SLC37A1: variants seen among roughly 807,000 people sequenced by gnomAD.
The protein encoded by SLC37A1 is glucose-6-phosphate exchanger SLC37A1.
A neutral mutation model predicts 75.3 loss-of-function variants in SLC37A1; 49 were observed. That is an observed-to-expected ratio of 0.65 (90% CI 0.52 to 0.83). The LOEUF is 0.83. Among genes scored for constraint, SLC37A1 ranks in the 40% least tolerant of loss-of-function variants. The pLI, the probability that SLC37A1 is intolerant of heterozygous loss-of-function variation, is 0.00. For missense variants in SLC37A1, 566 were observed against 695.0 expected (o/e 0.81, Z 2.09); for synonymous variants, 268 against 292.1 (o/e 0.92, Z 0.84).
At chr21:42,574,653 G>A (rs1205420802) in intron 17 of SLC37A1, among the ~76,000 whole-genome samples, 165 bp from the exon 18 acceptor site, 2 of 152,150 alleles carry the variant, frequency 1.3e-5, no homozygotes, top group Non-Finnish European at 2.9e-5. Flanking sequence ...CCTATACTAG[G>A]CCTTGTACCC....
chr21:42,554,484 C>T (rs549824622), intron 10 of SLC37A1, among the ~76,000 whole-genome samples: 18 of 152,292 alleles, frequency 1.2e-4, no homozygotes, highest in Middle Eastern at 3.4e-3. Context: ...TGAGCAGGCT[C>T]TATTTTCAGC....
At position 42,574,827 on chromosome 21, in the gene SLC37A1, T is replaced by G; in HGVS notation, c.1433T>G (p.Leu478Arg). The change falls in exon 18 of 20, where the codon CTG becomes CGG. Residue 478 changes from leucine (L) to arginine (R), a missense_variant. Transcript: ENST00000352133. ...ATTTGCCTGATTTCAGGAGCAGCCC[T>G]GGGCCCCCTGCTGGCTGGGCTCCTC... ...IDGTGSVGAA[L>R]GPLLAGLLSP... 2 of 1,614,168 alleles carry G rather than the reference T, an allele frequency of 1.2e-6. No homozygotes were observed. The highest frequency in any genetic ancestry group is 1.7e-6 in the Non-Finnish European group (2 of 1,180,016).
At chr21:42,574,989 C>A in intron 18 of SLC37A1, 74 bp downstream of exon 18, 2 of 1,593,504 alleles carry the variant, frequency 1.3e-6, no homozygotes, top group South Asian at 2.3e-5. Context: ...ACTGGTGGAA[C>A]TTTCTCCCAT....
rs1258980445 is a variant in SLC37A1, at chr21:42,552,773, C to CA, written c.769-1288dup. On this transcript the variant is annotated intron_variant, in intron 9 of 19. Coordinates refer to ENST00000352133, the MANE Select transcript of SLC37A1 (RefSeq NM_001320537.2). The surrounding 1 kb of genome is among the most constrained non-coding windows in gnomAD (Gnocchi z 4.2). ...TTAAGATAGGCTTTGCCTGAGCACCCACGTTCCTGGCTGAAAAGCAGGAAG... is the reference window on the plus strand; with the variant it reads ...TTAAGATAGGCTTTGCCTGAGCACCCAACGTTCCTGGCTGAAAAGCAGGAAG... Among the ~76,000 whole-genome samples the CA allele has an allele frequency of 6.6e-6, 1 of 152,194 alleles. No homozygotes were observed. The highest frequency in any genetic ancestry group is 1.5e-5 in the Non-Finnish European group (1 of 68,044).
rs1209546342 is a variant in SLC37A1, at chr21:42,548,146, T to C, written c.768+1006T>C. ...ATGTGGGGGTGCCCCCAGGCTGCCC[T>C]GCGGCCTCCTCTCTCCTTGTCTGCC... On this transcript the variant is annotated intron_variant, in intron 9 of 19. Coordinates refer to ENST00000352133, the MANE Select transcript of SLC37A1 (RefSeq NM_001320537.2). This position sits in a 1 kb window ranked among gnomAD's most constrained non-coding sequence, Gnocchi z 5.6. Among the ~76,000 whole-genome samples, 1 of 152,182 alleles carries C rather than the reference T, an allele frequency of 6.6e-6. No individual in the cohort carries two copies. The highest frequency in any genetic ancestry group is 1.5e-5 in the Non-Finnish European group (1 of 68,018).
At chr21:42,566,424 A>G in intron 15 of SLC37A1, among the ~76,000 whole-genome samples, 1 of 152,206 alleles carries the variant, frequency 6.6e-6, no homozygotes, top group East Asian at 1.9e-4. Context: ...GACTATTTTG[A>G]ACACCCTGCA....
At chr21:42,523,970 G>A (rs2054716480) in intron 2 of SLC37A1, among the ~76,000 whole-genome samples, 1 of 151,908 alleles carries the variant, frequency 6.6e-6, no homozygotes, top group African/African-American at 2.4e-5. Flanking sequence ...GAAGAAGGCA[G>A]CTCTGGGATC....
At chr21:42,577,649 G>GA (rs552585377) in intron 18 of SLC37A1, among the ~76,000 whole-genome samples, 235 of 152,172 alleles carry the variant, frequency 1.5e-3, no homozygotes, top group African/African-American at 5.5e-3. Flanking sequence ...GGGAAGCATA[G>GA]AAAAAAACAG....
rs1601795940 is a variant in SLC37A1, at chr21:42,580,775, A to G, written c.*415A>G. ...TACTGCGCTGGCTGTGGCTTCAGAG[A>G]ACCTGTATGTGCCACATGGAAAAAC... is the stretch of plus-strand genomic sequence containing the variant. On this transcript the variant is annotated 3_prime_UTR_variant, in exon 20 of 20. Transcript: ENST00000352133. 1 of 221,426 alleles carries G rather than the reference A, an allele frequency of 4.5e-6. No individual in the cohort carries two copies. Among genetic ancestry groups the G allele is most frequent in the East Asian group, 1.3e-4 (1 of 7,530 alleles). 13.7% of individuals were successfully genotyped at this position (221,426 alleles called of 1,614,324 possible). A position where few individuals can be genotyped will look rare whatever the true frequency, so the allele number is the denominator to read the frequency against.
At chr21:42,569,630 G>T (rs188424389) in intron 17 of SLC37A1, among the ~76,000 whole-genome samples, 1 of 152,176 alleles carries the variant, frequency 6.6e-6, no homozygotes, top group Non-Finnish European at 1.5e-5. Flanking sequence ...TGCTGAGAAC[G>T]CGTGAACCCT....
chr21:42,578,867 G>GTGTT (rs2056360360), intron 18 of SLC37A1, among the ~76,000 whole-genome samples: 1 of 152,196 alleles, frequency 6.6e-6, no homozygotes, highest in Non-Finnish European at 1.5e-5. Flanking sequence ...GTGGGGCCAT[G>GTGTT]TGTTTGGTTT....
intron 17 of SLC37A1, 72 bp downstream of exon 17, chr21:42,568,510 A>AGGGTTCACCTGGAACAT: frequency 6.9e-7 from 1 of 1,445,394 alleles, no homozygotes; most frequent in Non-Finnish European, 9.6e-7. Context: ...GCTCGTGAAC[A>AGGGTTCACCTGGAACAT]GGTACCCAGG....
intron 3 of SLC37A1, among the ~76,000 whole-genome samples, chr21:42,533,342 C>CA (rs2055044995): frequency 6.6e-6 from 1 of 152,176 alleles, no homozygotes; most frequent in Admixed American, 6.5e-5. Flanking sequence ...CTTGATGGGG[C>CA]AACTCCTTTG....
intron 3 of SLC37A1, among the ~76,000 whole-genome samples, chr21:42,528,351 G>A (rs1376397293): frequency 6.6e-6 from 1 of 152,226 alleles, no homozygotes; most frequent in Non-Finnish European, 1.5e-5. Flanking sequence ...AGACAGGTGA[G>A]TCTGACTCCC....
intron 3 of SLC37A1, among the ~76,000 whole-genome samples, chr21:42,531,198 G>A (rs1202341442): frequency 6.6e-6 from 1 of 152,044 alleles, no homozygotes; most frequent in Non-Finnish European, 1.5e-5. Flanking sequence ...CACACTCGTC[G>A]CGCTGTGACT....
chr21:42,566,337 C>G (rs1001537890), intron 15 of SLC37A1, among the ~76,000 whole-genome samples: 3 of 152,260 alleles, frequency 2.0e-5, no homozygotes, highest in Non-Finnish European at 4.4e-5. Context: ...GGCCAGGAGC[C>G]AGGGCAGGTG....
At chr21:42,516,419 A>C (rs2054522966) in intron 1 of SLC37A1, among the ~76,000 whole-genome samples, 1 of 152,218 alleles carries the variant, frequency 6.6e-6, no homozygotes, top group African/African-American at 2.4e-5. Flanking sequence ...CACGGGGCTC[A>C]AATGAGAGCA....
chr21:42,515,921 G>A (rs1458171774), intron 1 of SLC37A1, among the ~76,000 whole-genome samples: 1 of 152,130 alleles, frequency 6.6e-6, no homozygotes, highest in African/African-American at 2.4e-5. Flanking sequence ...ACCACGCCCA[G>A]CTCTTTTGTG....
intron 18 of SLC37A1, chr21:42,575,376 G>A (rs2056285046): frequency 2.3e-5 from 23 of 985,348 alleles, no homozygotes; most frequent in Non-Finnish European, 2.5e-5. Flanking sequence ...GCTGTCAGAC[G>A]GCGGGAGCGG....
Sources: allele counts gnomAD v4.1 joint callset (sites outside exome capture counted in the v4.1 genomes callset), GRCh38; gene constraint gnomAD v4.1.1; non-coding constraint Gnocchi (gnomAD v3.1); transcripts MANE v1.5; gene names NCBI Gene and HGNC (gene_info 2026-07-23, HGNC 2026-07-21).